The following NRG3 variants were observed in gnomAD, a reference collection of about 807,000 sequenced individuals.
NRG3 encodes neuregulin 3.
A neutral mutation model predicts 66.9 loss-of-function variants in NRG3; 31 were observed. The ratio of observed to expected loss-of-function variants is 0.46; its 90% CI spans 0.35 to 0.63. The LOEUF (loss-of-function observed/expected upper bound fraction) is 0.63. Ranked by LOEUF, NRG3 falls within the 20% of genes least tolerant of loss-of-function variation. The pLI is 0.00. For synonymous variants in NRG3, 393 were observed against 359.4 expected (o/e 1.09, Z -1.06); for missense variants, 910 against 878.9 (o/e 1.04, Z -0.45).
chr10:82,968,334 T>G (rs1236748537), intron 6 of NRG3, among the ~76,000 whole-genome samples: 1 of 152,138 alleles, frequency 6.6e-6, no homozygotes, highest in African/African-American at 2.4e-5. Flanking sequence ...AAGTAGTCAC[T>G]GAAACAAAAT....
At chr10:82,944,396 C>T (rs1012125090) in intron 4 of NRG3, among the ~76,000 whole-genome samples, 18 of 152,062 alleles carry the variant, frequency 1.2e-4, no homozygotes, top group South Asian at 2.1e-4. Flanking sequence ...GATTATTATA[C>T]GCAAGTCATG....
chr10:82,702,319 G>GAAAC (rs1255611797), intron 2 of NRG3, among the ~76,000 whole-genome samples: 1 of 152,144 alleles, frequency 6.6e-6, no homozygotes, highest in Admixed American at 6.6e-5. Flanking sequence ...GCAGTATCTG[G>GAAAC]AAACAAATTG....
chr10:82,803,771 G>A (rs955831507), intron 3 of NRG3, among the ~76,000 whole-genome samples: 24 of 151,760 alleles, frequency 1.6e-4, no homozygotes, highest in African/African-American at 5.1e-4. Context: ...TCACAGGATC[G>A]TGGGGAAAAT....
At chr10:82,246,921 A>G (rs1413295832) in intron 1 of NRG3, among the ~76,000 whole-genome samples, 1 of 152,182 alleles carries the variant, frequency 6.6e-6, no homozygotes, top group Non-Finnish European at 1.5e-5. Flanking sequence ...CCTTGGCTAC[A>G]TAAGAGAACT....
intron 2 of NRG3, among the ~76,000 whole-genome samples, chr10:82,597,259 C>G (rs1167520613): frequency 2.6e-5 from 4 of 152,252 alleles, no homozygotes; most frequent in African/African-American, 9.6e-5. Flanking sequence ...TGGCAATATA[C>G]ATGAGGTTAG....
chr10:82,182,813 G>C (rs2073525703), intron 1 of NRG3, among the ~76,000 whole-genome samples: 1 of 151,878 alleles, frequency 6.6e-6, no homozygotes, highest in South Asian at 2.1e-4. Context: ...TTGTAGGGCA[G>C]GTCTAGTGGA....
At chr10:82,446,470 ATCATGTCCTTT>A (rs887252600) in intron 2 of NRG3, among the ~76,000 whole-genome samples, 1 of 152,166 alleles carries the variant, frequency 6.6e-6, no homozygotes, top group Non-Finnish European at 1.5e-5. Flanking sequence ...AAGGAATGAG[ATCATGTCCTTT>A]ACAAGGAGAG....
intron 1 of NRG3, among the ~76,000 whole-genome samples, chr10:82,083,176 G>A (rs1282740952): frequency 2.0e-5 from 3 of 151,920 alleles, no homozygotes; most frequent in Non-Finnish European, 2.9e-5. Flanking sequence ...CAGTAGCACT[G>A]TATCCATTCC....
intron 3 of NRG3, among the ~76,000 whole-genome samples, chr10:82,757,424 C>A (rs1439557412): frequency 1.3e-5 from 2 of 152,040 alleles, no homozygotes; most frequent in East Asian, 3.9e-4. Flanking sequence ...CTACTTTATT[C>A]TGAGTTTCAC....
chr10:82,150,909 T>C (rs2070697015), intron 1 of NRG3, among the ~76,000 whole-genome samples: 1 of 152,156 alleles, frequency 6.6e-6, no homozygotes, highest in Admixed American at 6.6e-5. Context: ...ACAAAACTAC[T>C]TGTGCTGTAA....
intron 3 of NRG3, among the ~76,000 whole-genome samples, chr10:82,776,788 T>G (rs1361958722): frequency 2.0e-5 from 3 of 152,112 alleles, no homozygotes; most frequent in African/African-American, 7.2e-5. Flanking sequence ...TATATCTATC[T>G]CTTTCTTAAA....
intron 2 of NRG3, among the ~76,000 whole-genome samples, chr10:82,695,632 T>G (rs1391782823): frequency 6.6e-6 from 1 of 152,130 alleles, no homozygotes. Flanking sequence ...TTCTCTCTAT[T>G]CTTCATTTCC....
intron 3 of NRG3, among the ~76,000 whole-genome samples, chr10:82,845,820 A>G (rs1305636917): frequency 6.6e-6 from 1 of 152,196 alleles, no homozygotes; most frequent in Admixed American, 6.5e-5. Flanking sequence ...AAAAGTACTA[A>G]GAAGGAATAT....
At chr10:82,538,108 T>C (rs777493266) in intron 2 of NRG3, among the ~76,000 whole-genome samples, 2 of 152,180 alleles carry the variant, frequency 1.3e-5, no homozygotes, top group Non-Finnish European at 2.9e-5. Flanking sequence ...TGAACAGTCA[T>C]TGAGAGGTCT....
chr10:82,586,255 CAAG>C (rs2046663680), intron 2 of NRG3, among the ~76,000 whole-genome samples: 24 of 133,498 alleles, frequency 1.8e-4, no homozygotes, highest in African/African-American at 6.4e-4. Flanking sequence ...AAAAAAAAAA[CAAG>C]AAAACGAAAC....
intron 3 of NRG3, among the ~76,000 whole-genome samples, chr10:82,767,027 A>G (rs2059541394): frequency 6.7e-6 from 1 of 149,504 alleles, no homozygotes; most frequent in Non-Finnish European, 1.5e-5. Flanking sequence ...AAATCCTTAT[A>G]TATATATATA....
chr10:82,146,972 C>T (rs968480331), intron 1 of NRG3, among the ~76,000 whole-genome samples: 5 of 152,112 alleles, frequency 3.3e-5, no homozygotes, highest in Non-Finnish European at 7.4e-5. Context: ...AGCTACAGCT[C>T]GGTGGGAGTT....
At chr10:82,442,171 T>G (rs1039634387) in intron 2 of NRG3, among the ~76,000 whole-genome samples, 1 of 152,212 alleles carries the variant, frequency 6.6e-6, no homozygotes, top group Non-Finnish European at 1.5e-5. Flanking sequence ...TCTGACTACT[T>G]GATATGTTTC....
intron 2 of NRG3, among the ~76,000 whole-genome samples, chr10:82,604,921 T>A (rs2047869734): frequency 1.3e-5 from 2 of 152,160 alleles, no homozygotes; most frequent in African/African-American, 4.8e-5. Flanking sequence ...GTATATTAAC[T>A]TTGTGTCCTG....
Sources: allele counts gnomAD v4.1 joint callset (sites outside exome capture counted in the v4.1 genomes callset), GRCh38; gene constraint gnomAD v4.1.1; transcripts MANE v1.5; gene names NCBI Gene and HGNC (gene_info 2026-07-23, HGNC 2026-07-21).